Variants in KIAA1210 observed in about 807,000 individuals in gnomAD.
KIAA1210 encodes KIAA1210, also known as acrosomal protein KIAA1210.
KIAA1210 carries 48 observed loss-of-function variants against 78.9 expected under a neutral mutation model. The ratio of observed to expected loss-of-function variants is 0.61; its 90% CI spans 0.48 to 0.77. The LOEUF (loss-of-function observed/expected upper bound fraction) is 0.77, where lower values mean the gene tolerates loss of function less well. Among genes scored for constraint, KIAA1210 ranks in the 30% least tolerant of loss-of-function variants. KIAA1210 has a pLI of 0.00. For missense variants in KIAA1210, 1,108 were observed against 1,100.0 expected (o/e 1.01, Z -0.10); for synonymous variants, 406 against 404.5 (o/e 1.00, Z -0.04).
chrX:119,113,424 G>C (rs73592490), intron 3 of KIAA1210, among the ~76,000 whole-genome samples: 4,145 of 111,654 alleles, frequency 0.037, 212 homozygotes, highest in African/African-American at 0.13. Flanking sequence ...TGAAAACATA[G>C]TAAGTGAAAG....
rs1043570251 is a variant in KIAA1210, at chrX:119,080,031, G to C, written c.*1298C>G. On this transcript the variant is annotated 3_prime_UTR_variant, in exon 12 of 12. Transcript: ENST00000691062. Reference sequence around the variant, plus strand: ...TCCAGTGGCTCCAGATGTGCATCAAGGCAGTAAGCTTGCCATCTGCCTGAT... The same window carrying C: ...TCCAGTGGCTCCAGATGTGCATCAACGCAGTAAGCTTGCCATCTGCCTGAT... 7 of 111,597 alleles carry C rather than the reference G, an allele frequency of 6.3e-5. No homozygotes were observed. The highest frequency in any genetic ancestry group is 2.0e-4 in the African/African-American group (6 of 30,649). The allele number at this position is 111,597 out of a possible 1,213,427, so 9.2% of individuals were successfully genotyped here. A position where few individuals can be genotyped will look rare whatever the true frequency, so the allele number is the denominator to read the frequency against.
At position 119,111,736 on chromosome X, in the gene KIAA1210, C is replaced by T. The variant is rs746497193; in HGVS notation, c.231-2534G>A. On this transcript the variant is annotated intron_variant, in intron 3 of 11. Coordinates refer to ENST00000691062, the MANE Select transcript of KIAA1210 (RefSeq NM_001394962.1). ...AACCTGCACTTTCTGCACATGTATC[C>T]CAGAACTTAAAGTGTAATTTTAAAA... Among the ~76,000 whole-genome samples, 174 of 110,688 alleles carry T rather than the reference C, an allele frequency of 1.6e-3. 2 individuals are homozygous for T. Among genetic ancestry groups the T allele is most frequent in the Middle Eastern group, 4.7e-3 (1 of 215 alleles).
intron 6 of KIAA1210, among the ~76,000 whole-genome samples, chrX:119,104,165 A>T: frequency 8.9e-6 from 1 of 112,417 alleles, no homozygotes; most frequent in Non-Finnish European, 1.9e-5. Context: ...ACTAGTTCAG[A>T]TTATACATCC....
intron 6 of KIAA1210, among the ~76,000 whole-genome samples, chrX:119,102,152 T>C (rs1300393157): frequency 8.9e-6 from 1 of 112,762 alleles, no homozygotes; most frequent in Non-Finnish European, 1.9e-5. Flanking sequence ...GCTCTATCTT[T>C]GATTGGCTCT....
chrX:119,116,064 G>A lies in KIAA1210; in HGVS notation c.230+432C>T, dbSNP rs189407920. On this transcript the variant is annotated intron_variant, in intron 3 of 11. Coordinates refer to ENST00000691062, the MANE Select transcript of KIAA1210 (RefSeq NM_001394962.1). ...CTTGTTATGAGATCTTGGCTAGATCGGTAGTCTGAGAGCCAGGCAAGCAAA... is the reference window on the plus strand; with the variant it reads ...CTTGTTATGAGATCTTGGCTAGATCAGTAGTCTGAGAGCCAGGCAAGCAAA... Among the ~76,000 whole-genome samples the A allele has an allele frequency of 1.7e-4, 19 of 111,810 alleles. No individual in the cohort carries two copies. The East Asian group carries it at 2.2e-3, about 13-fold the overall frequency.
chrX:119,126,345 G>A (rs1928646026), intron 1 of KIAA1210, among the ~76,000 whole-genome samples: 1 of 112,090 alleles, frequency 8.9e-6, no homozygotes, highest in Non-Finnish European at 1.9e-5. Flanking sequence ...GGGCTGTGGT[G>A]TCAAGATTGC....
chrX:119,131,314 G>T (rs1181134546), upstream of KIAA1210, among the ~76,000 whole-genome samples: 3 of 111,708 alleles, frequency 2.7e-5, no homozygotes, highest in Non-Finnish European at 5.6e-5. Context: ...GGGTTTACAT[G>T]CTCTCACTTA....
At chrX:119,125,763 G>A (rs1307418527) in intron 1 of KIAA1210, among the ~76,000 whole-genome samples, 1 of 23,796 alleles carries the variant, frequency 4.2e-5, no homozygotes, top group African/African-American at 1.3e-4. Flanking sequence ...TTGGAGAGAT[G>A]GGGTCTCACT....
At chrX:119,110,745 G>A (rs1928045143) in intron 3 of KIAA1210, among the ~76,000 whole-genome samples, 2 of 111,213 alleles carry the variant, frequency 1.8e-5, no homozygotes, top group Non-Finnish European at 3.8e-5. Flanking sequence ...CAAAAGATGC[G>A]CAAAACTCAT....
intron 3 of KIAA1210, among the ~76,000 whole-genome samples, chrX:119,114,378 T>C (rs764434332): frequency 8.9e-6 from 1 of 112,335 alleles, no homozygotes; most frequent in South Asian, 3.8e-4. Context: ...GGCCCTGGTG[T>C]TGGAAGCAAC....
intron 2 of KIAA1210, among the ~76,000 whole-genome samples, chrX:119,117,730 A>G (rs1293995646): frequency 9.2e-6 from 1 of 108,971 alleles, no homozygotes; most frequent in Non-Finnish European, 1.9e-5. Flanking sequence ...GACTATAAGC[A>G]CGCACCACCA....
intron 10 of KIAA1210, among the ~76,000 whole-genome samples, chrX:119,084,759 T>A (rs938042698): frequency 3.6e-4 from 40 of 111,897 alleles, no homozygotes; most frequent in African/African-American, 1.2e-3. Flanking sequence ...AATAAAAAAT[T>A]AAAAATAAAA....
chrX:119,137,041 A>G (rs1221648305), intron 2 of KIAA1210, among the ~76,000 whole-genome samples: 1 of 112,707 alleles, frequency 8.9e-6, no homozygotes, highest in Non-Finnish European at 1.9e-5. Context: ...GTCTTTATGC[A>G]CAGCTACTAT....
At chrX:119,150,466 T>A in exon 1 of KIAA1210, 1 of 1,211,705 alleles carries the variant, frequency 8.3e-7, no homozygotes, top group Middle Eastern at 2.4e-4. Context: ...ACGCTCGACT[T>A]CCAATCCTGG....
upstream of KIAA1210, among the ~76,000 whole-genome samples, chrX:119,128,167 C>CT (rs750695918): frequency 1.9e-3 from 216 of 111,987 alleles, 3 homozygotes; most frequent in African/African-American, 6.9e-3. Context: ...GGTGAGACTG[C>CT]TTTTAATAAT....
chrX:119,096,885 G>T (rs1927576079), intron 6 of KIAA1210, among the ~76,000 whole-genome samples, 194 bp from the exon 7 acceptor site: 1 of 112,281 alleles, frequency 8.9e-6, no homozygotes, highest in African/African-American at 3.2e-5. Context: ...TCTTGCAGAT[G>T]AAAACAAGAA....
Position 119,109,109 on chromosome X carries a change from A to C in KIAA1210, c.324T>G (p.Pro108=). 12 of 1,209,792 alleles carry C rather than the reference A, an allele frequency of 9.9e-6. No homozygotes were observed. Among genetic ancestry groups the C allele is most frequent in the Non-Finnish European group, 1.3e-5 (12 of 893,965 alleles). Reference sequence around the variant, plus strand: ...GTCTGCCTCTCTGGGGATCCATAGAAGGAAACATTTTACTTGCTGATCTTT... The same window carrying C: ...GTCTGCCTCTCTGGGGATCCATAGACGGAAACATTTTACTTGCTGATCTTT... ...EPERSASKMF[P]SMDPQRGRPQ... is the part of the protein sequence containing the mutation. The change falls in exon 4 of 12, where the codon CCT becomes CCG. Residue 108 remains proline (P), a synonymous_variant. Coordinates refer to ENST00000691062, the MANE Select transcript of KIAA1210 (RefSeq NM_001394962.1).
Position 119,088,533 on chromosome X carries a change from A to G in KIAA1210, c.2169T>C (p.Pro723=), listed in dbSNP as rs1189337519. Residue 723 remains proline, a synonymous_variant, in exon 9 of 12, where the codon CCT becomes CCC. Transcript: ENST00000691062. ...QEVSSASNNT[P]EEQNDFMQQL... is the part of the protein sequence containing the mutation. Reference sequence around the variant, plus strand: ...GCTGCATAAAATCATTCTGCTCTTCAGGAGTATTATTTGAAGCAGAGGAGA... The same window carrying G: ...GCTGCATAAAATCATTCTGCTCTTCGGGAGTATTATTTGAAGCAGAGGAGA... 2 of 1,211,326 alleles carry G rather than the reference A, an allele frequency of 1.7e-6. No individual in the cohort carries two copies. The highest frequency in any genetic ancestry group is 2.2e-6 in the Non-Finnish European group (2 of 895,188).
Position 119,109,053 on chromosome X carries a change from C to T in KIAA1210, c.357+23G>A, listed in dbSNP as rs761358870. The T allele has an allele frequency of 2.5e-6, 3 of 1,204,727 alleles. No homozygotes were observed. The African/African-American group carries it at 5.3e-5, about 21-fold the overall frequency. ...AGAAGAGAAGTAGTCCAATTAGACA[C>T]TGATGCTCGAGTCCACTATTACCTG... On this transcript the variant is annotated intron_variant, in intron 4 of 11. Transcript: ENST00000691062.
Sources: allele counts gnomAD v4.1 joint callset (sites outside exome capture counted in the v4.1 genomes callset), GRCh38; gene constraint gnomAD v4.1.1; transcripts MANE v1.5; gene names NCBI Gene and HGNC (gene_info 2026-07-23, HGNC 2026-07-21).